The following AGMO variants were observed in gnomAD, a reference collection of about 807,000 sequenced individuals.
The protein encoded by AGMO is alkylglycerol monooxygenase.
Under a neutral mutation model 60.2 loss-of-function variants are expected in AGMO, and 75 were observed. The observed-to-expected ratio is 1.25, with a 90% CI of 1.03 to 1.51. The LOEUF is 1.51. AGMO is among the 40% of genes most tolerant of loss of function. The pLI, the probability that AGMO is intolerant of heterozygous loss-of-function variation, is 0.00. For missense variants in AGMO, 763 were observed against 525.5 expected, an observed-to-expected ratio of 1.45 and a Z score of -4.42; for synonymous variants, 261 against 177.1, an observed-to-expected ratio of 1.47 and a Z score of -3.76.
intron 12 of AGMO, among the ~76,000 whole-genome samples, chr7:15,361,145 G>A (rs1782735285): frequency 2.0e-5 from 3 of 152,064 alleles, no homozygotes; most frequent in African/African-American, 4.8e-5. Flanking sequence ...ACAGTGGGCT[G>A]CTCACTGTCA....
chr7:15,167,443 C>A, the AGMO span, among the ~76,000 whole-genome samples: 1 of 152,074 alleles, frequency 6.6e-6, no homozygotes, highest in African/African-American at 2.4e-5. Context: ...TAACATTCTG[C>A]AAGAGACGCT....
At chr7:15,381,603 GA>G (rs1472813207) in intron 10 of AGMO, among the ~76,000 whole-genome samples, 1 of 152,112 alleles carries the variant, frequency 6.6e-6, no homozygotes, top group Non-Finnish European at 1.5e-5. Context: ...AATCGTTGTG[GA>G]AGACAGTGTG....
chr7:15,388,654 G>A (rs746347648), intron 8 of AGMO, among the ~76,000 whole-genome samples: 9 of 152,072 alleles, frequency 5.9e-5, no homozygotes, highest in East Asian at 5.8e-4. Context: ...AATGATTTAC[G>A]CCTAATAATA....
chr7:15,122,425 G>C, the AGMO span, among the ~76,000 whole-genome samples: 1 of 152,048 alleles, frequency 6.6e-6, no homozygotes, highest in Non-Finnish European at 1.5e-5. Flanking sequence ...TGCACCAATT[G>C]CTAAATTAAC....
At chr7:15,336,459 C>T (rs1041198770) in intron 12 of AGMO, among the ~76,000 whole-genome samples, 1 of 151,744 alleles carries the variant, frequency 6.6e-6, no homozygotes, top group Admixed American at 6.6e-5. Flanking sequence ...TTTCAGCATA[C>T]CCACTTGTTA....
intron 3 of AGMO, among the ~76,000 whole-genome samples, chr7:15,466,429 G>T (rs550832215): frequency 6.6e-6 from 1 of 152,200 alleles, no homozygotes; most frequent in Non-Finnish European, 1.5e-5. Flanking sequence ...ACATATCACC[G>T]TGAGCACTTT....
intron 12 of AGMO, among the ~76,000 whole-genome samples, chr7:15,254,713 TAAAG>T (rs1783045737): frequency 1.3e-5 from 2 of 148,216 alleles, no homozygotes; most frequent in South Asian, 4.3e-4. Flanking sequence ...TTTTAAAAGA[TAAAG>T]AAAATAGACA....
chr7:15,399,490 G>A (rs1784498846), intron 5 of AGMO, among the ~76,000 whole-genome samples: 2 of 152,018 alleles, frequency 1.3e-5, no homozygotes, highest in Non-Finnish European at 2.9e-5. Context: ...ATTTTTTGGG[G>A]CACATTTTTT....
intron 3 of AGMO, among the ~76,000 whole-genome samples, chr7:15,435,328 A>G (rs200861374): frequency 8.5e-6 from 1 of 117,566 alleles, no homozygotes; most frequent in Non-Finnish European, 1.9e-5. Context: ...TTTTTTTTTT[A>G]TTAGTACCAG....
chr7:15,291,805 A>C, intron 12 of AGMO, among the ~76,000 whole-genome samples: 1 of 152,162 alleles, frequency 6.6e-6, no homozygotes, highest in East Asian at 1.9e-4. Context: ...CATCTGGTAA[A>C]AACTCATAAA....
rs771391281 is a variant in AGMO, at chr7:15,385,508, A to C, written c.1012T>G (p.Tyr338Asp). 1.2e-6 allele frequency: 2 copies of C among 1,613,498 alleles called. No homozygotes were observed. Among genetic ancestry groups the C allele is most frequent in the South Asian group, 2.2e-5 (2 of 91,010 alleles). ...ATCAGAGCAAACTGTACAACTGTATATATCTTTAATAGCTGAGATGAAGAT... is the reference window on the plus strand; with the variant it reads ...ATCAGAGCAAACTGTACAACTGTATCTATCTTTAATAGCTGAGATGAAGAT... ...SSSSSQLLKI[Y>D]TVVQFALMLA... The change falls in exon 10 of 13, where the codon TAT becomes GAT. Residue 338 changes from tyrosine to aspartate, a missense_variant. Transcript: ENST00000342526.
chr7:15,497,658 A>C (rs12533753), intron 3 of AGMO, among the ~76,000 whole-genome samples: 83,905 of 151,840 alleles, frequency 0.55, 25,592 homozygotes, highest in East Asian at 0.96. Flanking sequence ...AAGCTCACAC[A>C]AGAACACAAT....
chr7:15,287,734 T>A (rs1784139207), intron 12 of AGMO, among the ~76,000 whole-genome samples: 1 of 152,226 alleles, frequency 6.6e-6, no homozygotes, highest in Non-Finnish European at 1.5e-5. Context: ...ATTTATCAAA[T>A]GTCTTCATTA....
chr7:15,275,836 T>C (rs961274361), intron 12 of AGMO, among the ~76,000 whole-genome samples: 5 of 152,194 alleles, frequency 3.3e-5, no homozygotes, highest in African/African-American at 1.2e-4. Context: ...GTATGTTTTA[T>C]CTGATATAAT....
the AGMO span, among the ~76,000 whole-genome samples, chr7:15,183,856 G>A: frequency 6.6e-6 from 1 of 152,068 alleles, no homozygotes; most frequent in Non-Finnish European, 1.5e-5. Flanking sequence ...GTCACAAGGG[G>A]CTAAACAAAG....
chr7:15,556,501 G>A (rs1201724425), intron 2 of AGMO, among the ~76,000 whole-genome samples: 1 of 151,888 alleles, frequency 6.6e-6, no homozygotes, highest in Non-Finnish European at 1.5e-5. Context: ...CAAACATACT[G>A]TAGATATTTA....
Position 15,356,135 on chromosome 7 carries a change from C to T in AGMO, c.1263+9379G>A, listed in dbSNP as rs564582785. On this transcript the variant is annotated intron_variant, in intron 12 of 12. Transcript: ENST00000342526. ...GGACATTTTATAATCACTTGGAAAA[C>T]AACTTGGCATCAGCTAAAGAATTTA... 7.2e-5 allele frequency among the ~76,000 whole-genome samples: 11 copies of T among 152,216 alleles called. No homozygotes were observed. The East Asian group carries it at 2.1e-3, about 29-fold the overall frequency.
At chr7:15,447,352 C>T (rs1018578508) in intron 3 of AGMO, among the ~76,000 whole-genome samples, 1 of 152,026 alleles carries the variant, frequency 6.6e-6, no homozygotes, top group Non-Finnish European at 1.5e-5. Flanking sequence ...TACCTCCACC[C>T]CTATGGAGAA....
In AGMO at chr7:15,530,684, A is replaced by G. The variant is rs999325042; in HGVS notation, c.409+14088T>C. 4.2e-5 allele frequency among the ~76,000 whole-genome samples: 6 copies of G among 141,202 alleles called. No homozygotes were observed. In the East Asian group the frequency reaches 1.0e-3, roughly 24 times the overall value. The allele number at this position is 141,202 out of a possible 152,430, so 92.6% of individuals were successfully genotyped here. ...ACGTATTTCTATATATATATTCTAT[A>G]TATGTATTTCTACATATATTCTATA... On this transcript the variant is annotated intron_variant, in intron 3 of 12. Transcript: ENST00000342526.
Sources: gnomAD v4.1 joint callset for allele counts (sites outside exome capture counted in the v4.1 genomes callset) on GRCh38, gnomAD v4.1.1 for gene constraint, MANE v1.5 for transcripts, NCBI Gene and HGNC (gene_info 2026-07-23, HGNC 2026-07-21) for gene names.